Variants in OSBPL10 observed in about 807,000 individuals in gnomAD.
OSBPL10 encodes oxysterol-binding protein-related protein 10.
In OSBPL10, 49 loss-of-function variants were observed where a neutral mutation model predicts 81.7. That is an observed-to-expected ratio of 0.60 (90% CI 0.48 to 0.76). The LOEUF is 0.76. Among genes scored for constraint, OSBPL10 ranks in the 30% least tolerant of loss-of-function variants. The pLI is 0.00. For synonymous variants in OSBPL10, 419 were observed against 383.6 expected (o/e 1.09, Z -1.08); for missense variants, 923 against 987.8 (o/e 0.93, Z 0.88).
At chr3:31,699,655 T>C (rs1695834439) in intron 7 of OSBPL10, among the ~76,000 whole-genome samples, 1 of 152,200 alleles carries the variant, frequency 6.6e-6, no homozygotes, top group South Asian at 2.1e-4. Context: ...ATGGAGCCCT[T>C]CTGAGCATGG....
intron 2 of OSBPL10, among the ~76,000 whole-genome samples, chr3:31,994,998 G>T (rs1364417069): frequency 6.6e-6 from 1 of 152,142 alleles, no homozygotes; most frequent in Non-Finnish European, 1.5e-5. Context: ...TTTTATTCAG[G>T]ATTTCAAAAG....
At chr3:32,059,687 G>A (rs1699740799) in intron 1 of OSBPL10, among the ~76,000 whole-genome samples, 1 of 152,048 alleles carries the variant, frequency 6.6e-6, no homozygotes, top group Admixed American at 6.6e-5. Context: ...GGAGGCCAAG[G>A]TAGGAGGATT....
intron 8 of OSBPL10, among the ~76,000 whole-genome samples, chr3:31,675,941 A>G (rs2340576): frequency 0.5 from 69,124 of 138,946 alleles, 20,186 homozygotes; most frequent in African/African-American, 0.82. Flanking sequence ...GCGAGACTCC[A>G]TCTCAAAAAA....
chr3:31,770,101 CA>C (rs1698332871), intron 4 of OSBPL10, among the ~76,000 whole-genome samples: 1 of 151,950 alleles, frequency 6.6e-6, no homozygotes, highest in Admixed American at 6.6e-5. Context: ...ATAAAAAAAC[CA>C]AAACTTGTAG....
At chr3:31,955,747 T>C (rs1697989408) in intron 1 of OSBPL10, among the ~76,000 whole-genome samples, 1 of 152,190 alleles carries the variant, frequency 6.6e-6, no homozygotes, top group African/African-American at 2.4e-5. Context: ...CCAGCCCAGC[T>C]TCTAGTCTAC....
chr3:31,967,174 C>T (rs893996306), intron 1 of OSBPL10, among the ~76,000 whole-genome samples: 1 of 152,146 alleles, frequency 6.6e-6, no homozygotes, highest in African/African-American at 2.4e-5. Context: ...AATCCCATTC[C>T]CTCACTGAGA....
At chr3:31,665,578 C>T (rs183778403) in intron 10 of OSBPL10, among the ~76,000 whole-genome samples, 2 of 152,266 alleles carry the variant, frequency 1.3e-5, no homozygotes, top group Non-Finnish European at 2.9e-5. Flanking sequence ...ACAGAAGAAA[C>T]CCCAGCTGCA....
intron 3 of OSBPL10, among the ~76,000 whole-genome samples, chr3:31,831,722 TCAAAAG>T (rs1700246995): frequency 6.6e-6 from 1 of 151,912 alleles, no homozygotes; most frequent in African/African-American, 2.4e-5. Context: ...TGGCAAAAAT[TCAAAAG>T]TCTGAGTACA....
intron 3 of OSBPL10, among the ~76,000 whole-genome samples, chr3:31,836,370 A>G (rs1250915698): frequency 2.0e-5 from 3 of 152,010 alleles, no homozygotes; most frequent in Non-Finnish European, 2.9e-5. Flanking sequence ...TTCTAAACAC[A>G]CTGTCCTGAA....
At chr3:31,876,657 G>T in intron 2 of OSBPL10, 145 bp from the exon 3 acceptor site, 1 of 648,384 alleles carries the variant, frequency 1.5e-6, no homozygotes, top group East Asian at 2.8e-5. Flanking sequence ...AGATCACAAC[G>T]TTCTCAAGCG....
At chr3:31,809,230 A>G (rs1339918134) in intron 4 of OSBPL10, among the ~76,000 whole-genome samples, 1 of 152,234 alleles carries the variant, frequency 6.6e-6, no homozygotes, top group Non-Finnish European at 1.5e-5. Flanking sequence ...ACAAACAATA[A>G]AAGAATATAT....
intron 4 of OSBPL10, among the ~76,000 whole-genome samples, chr3:31,817,696 A>G (rs1699876361): frequency 1.3e-5 from 2 of 152,196 alleles, no homozygotes; most frequent in Admixed American, 1.3e-4. Context: ...TTGATAGAGC[A>G]GGAGGCCTGG....
intron 4 of OSBPL10, among the ~76,000 whole-genome samples, chr3:31,796,616 G>C (rs993349467): frequency 6.6e-6 from 1 of 152,126 alleles, no homozygotes. Context: ...CAGATAACTT[G>C]GTGGTTGTGG....
At chr3:32,040,373 C>T (rs1201211838) in intron 2 of OSBPL10, among the ~76,000 whole-genome samples, 3 of 152,114 alleles carry the variant, frequency 2.0e-5, no homozygotes, top group Non-Finnish European at 4.4e-5. Context: ...CACCACTGCA[C>T]TCCAGCCTAG....
At chr3:31,922,080 G>C (rs760612661) in intron 1 of OSBPL10, among the ~76,000 whole-genome samples, 1 of 152,180 alleles carries the variant, frequency 6.6e-6, no homozygotes. Flanking sequence ...TCGCAGTCAA[G>C]AGGAGCCTAA....
intron 1 of OSBPL10, among the ~76,000 whole-genome samples, chr3:31,980,014 ATTTT>A (rs922179498): frequency 3.4e-5 from 5 of 147,616 alleles, no homozygotes; most frequent in African/African-American, 1.3e-4. Flanking sequence ...TTATTTATTT[ATTTT>A]TTTTGAGTCG....
intron 1 of OSBPL10, among the ~76,000 whole-genome samples, chr3:32,072,025 C>G (rs949492591): frequency 2.0e-5 from 3 of 152,154 alleles, no homozygotes; most frequent in African/African-American, 7.2e-5. Flanking sequence ...GAGGCTACCA[C>G]TCTGCCCCCC....
At chr3:31,751,774 T>C (rs1697727684) in intron 4 of OSBPL10, among the ~76,000 whole-genome samples, 1 of 152,238 alleles carries the variant, frequency 6.6e-6, no homozygotes, top group Non-Finnish European at 1.5e-5. Flanking sequence ...TCATTTTCCA[T>C]GAGATGTGAA....
chr3:32,041,202 C>T (rs1699571869), intron 2 of OSBPL10, among the ~76,000 whole-genome samples: 2 of 152,146 alleles, frequency 1.3e-5, no homozygotes, highest in African/African-American at 4.8e-5. Flanking sequence ...CCCAGGGTGG[C>T]AGAGATTACC....
Sources: allele counts gnomAD v4.1 joint callset (sites outside exome capture counted in the v4.1 genomes callset), GRCh38; gene constraint gnomAD v4.1.1; transcripts MANE v1.5; gene names NCBI Gene and HGNC (gene_info 2026-07-23, HGNC 2026-07-21).